The following ALDH4A1 variants were observed in gnomAD, a reference collection of about 807,000 sequenced individuals.
ALDH4A1 encodes the protein aldehyde dehydrogenase 4 family member A1.
A neutral mutation model predicts 70.5 loss-of-function variants in ALDH4A1; 46 were observed. The observed-to-expected ratio is 0.65, with a 90% CI of 0.51 to 0.83. The LOEUF (loss-of-function observed/expected upper bound fraction) is 0.83. ALDH4A1 is among the 40% of genes least tolerant of loss of function. ALDH4A1 has a pLI of 0.00. For missense variants in ALDH4A1, 749 were observed against 766.5 expected (o/e 0.98, Z 0.27); for synonymous variants, 323 against 324.3 (o/e 1.00, Z 0.04).
chr1:18,885,453 C>CCCG lies in ALDH4A1; in HGVS notation c.453+19_453+20insCGG. On this transcript the variant is annotated intron_variant, in intron 5 of 14. Coordinates refer to ENST00000375341, the MANE Select transcript of ALDH4A1 (RefSeq NM_003748.4). The stretch of plus-strand genomic sequence containing the variant: ...CCCACCCCACCCCGCCCCACCCACC[C>CCCG]GGGCCCACCAGCACCTCACCTGTCC... 2.1e-6 allele frequency: 3 copies of CCCG among 1,451,148 alleles called. No individual in the cohort carries two copies. The highest frequency in any genetic ancestry group is 1.9e-6 in the Non-Finnish European group (2 of 1,078,738). 89.9% of individuals were successfully genotyped at this position (1,451,148 alleles called of 1,614,324 possible). A position where few individuals can be genotyped will look rare whatever the true frequency, so the allele number is the denominator to read the frequency against.
chr1:18,876,255 G>A, intron 12 of ALDH4A1, 60 bp downstream of exon 12: 1 of 1,585,196 alleles, frequency 6.3e-7, no homozygotes, highest in Admixed American at 1.7e-5. Context: ...AGAACTGTGT[G>A]TGTGCTGTGC....
intron 1 of ALDH4A1, 80 bp from the exon 2 acceptor site, chr1:18,890,185 CAG>C: frequency 1.6e-6 from 2 of 1,231,402 alleles, no homozygotes; most frequent in Non-Finnish European, 1.2e-6. Context: ...CTACCTCCGA[CAG>C]GGGGTCCTAG....
chr1:18,886,577 T>G, intron 3 of ALDH4A1, 66 bp from the exon 4 acceptor site: 1 of 1,565,910 alleles, frequency 6.4e-7, no homozygotes, highest in Non-Finnish European at 8.8e-7. Flanking sequence ...TGAAGAGGAC[T>G]GGACTCAGAG....
chr1:18,901,660 T>G (rs1569812305), intron 1 of ALDH4A1, among the ~76,000 whole-genome samples: 1 of 152,170 alleles, frequency 6.6e-6, no homozygotes, highest in East Asian at 1.9e-4. Flanking sequence ...CTCCTGGGTT[T>G]CTTCATTATT....
chr1:18,883,362 C>T lies in ALDH4A1; in HGVS notation c.520G>A (p.Ala174Thr), dbSNP rs759713950. ...AELIDFFRFN[A>T]KYAVELEGQQ... ...CCCTCCAGCTCCACCGCATACTTGG[C>T]ATTGAACCGGAAGAAGTCGATGAGT... Residue 174 changes from alanine to threonine, a missense_variant, in exon 6 of 15, where the codon GCC (alanine) becomes ACC (threonine). By Grantham distance (58) the Ala-to-Thr change is moderately conservative. Coordinates refer to ENST00000375341, the MANE Select transcript of ALDH4A1 (RefSeq NM_003748.4). The T allele has an allele frequency of 6.2e-7, 1 of 1,613,538 alleles. No individual in the cohort carries two copies. Among genetic ancestry groups the T allele is most frequent in the Non-Finnish European group, 8.5e-7 (1 of 1,180,050 alleles).
chr1:18,873,862 C>T (rs28656793), intron 14 of ALDH4A1, among the ~76,000 whole-genome samples: 59,756 of 152,104 alleles, frequency 0.39, 12,706 homozygotes, highest in East Asian at 0.67. Context: ...GCTTCTAATG[C>T]GTCGCAAAGT....
At chr1:18,891,131 G>A (rs1375623803) in intron 1 of ALDH4A1, among the ~76,000 whole-genome samples, 4 of 152,212 alleles carry the variant, frequency 2.6e-5, no homozygotes, top group African/African-American at 7.2e-5. Context: ...AGGACGCTGG[G>A]GTCAGTCATT....
Position 18,877,189 on chromosome 1 carries a change from C to T in ALDH4A1, c.1185+19G>A. 6.2e-7 allele frequency: 1 copy of T among 1,605,940 alleles called. No individual in the cohort carries two copies. Among genetic ancestry groups the T allele is most frequent in the Non-Finnish European group, 8.5e-7 (1 of 1,175,972 alleles). On this transcript the variant is annotated intron_variant, in intron 11 of 14. Coordinates refer to ENST00000375341, the MANE Select transcript of ALDH4A1 (RefSeq NM_003748.4). ...CAGGGCTTGCCCCCACCCAGGAACGCCCACTTCCCACCCCGTACCTTGGCA... is the reference window on the plus strand; with the variant it reads ...CAGGGCTTGCCCCCACCCAGGAACGTCCACTTCCCACCCCGTACCTTGGCA...
intron 2 of ALDH4A1, among the ~76,000 whole-genome samples, chr1:18,889,707 A>C (rs1005266834): frequency 6.6e-6 from 1 of 152,240 alleles, no homozygotes; most frequent in African/African-American, 2.4e-5. Flanking sequence ...CCTGAAACTT[A>C]TATGAAATCT....
intron 11 of ALDH4A1, 73 bp from the exon 12 acceptor site, chr1:18,876,540 C>T (rs913274877): frequency 2.5e-5 from 36 of 1,468,574 alleles, no homozygotes; most frequent in Non-Finnish European, 3.2e-5. Context: ...ACAACACACT[C>T]ACCCCGAAAC....
chr1:18,902,408 G>T, intron 1 of ALDH4A1, 54 bp downstream of exon 1: 1 of 1,287,200 alleles, frequency 7.8e-7, no homozygotes, highest in Non-Finnish European at 9.9e-7. Flanking sequence ...TGACTCTCAG[G>T]CTCCCGGGCC....
intron 3 of ALDH4A1, 125 bp from the exon 4 acceptor site, chr1:18,886,636 G>T: frequency 1.9e-6 from 2 of 1,048,810 alleles, no homozygotes; most frequent in Non-Finnish European, 2.9e-6. Flanking sequence ...CCCCTCCCCC[G>T]CTCCCATGAA....
rs2230708 is a variant in ALDH4A1 at position 18,875,462 on chromosome 1, A to T, written c.1380T>A (p.Asp460Glu). 6.2e-7 allele frequency: 1 copy of T among 1,613,858 alleles called. No individual in the cohort carries two copies. Among genetic ancestry groups the T allele is most frequent in the Non-Finnish European group, 8.5e-7 (1 of 1,179,932 alleles). The change falls in exon 13 of 15, where the codon GAT becomes GAA. Residue 460 changes from aspartate (D) to glutamate (E), a missense_variant. Asp to Glu is a conservative substitution (Grantham distance 45). Coordinates refer to ENST00000375341, the MANE Select transcript of ALDH4A1 (RefSeq NM_003748.4). Reference protein sequence around the residue: ...GPVLSVYVYPDDKYKETLQLV... With the variant: ...GPVLSVYVYPEDKYKETLQLV... ...GCTGCAGCGTCTCCTTGTACTTGTC[A>T]TCCGGGTAGACGTACACAGACAGTA...
chr1:18,874,649 A>G, intron 13 of ALDH4A1, 68 bp from the exon 14 acceptor site: 1 of 1,482,344 alleles, frequency 6.7e-7, no homozygotes, highest in Non-Finnish European at 9.4e-7. Context: ...TCCAGCCTCA[A>G]CACCCCTGCT....
Position 18,872,905 on chromosome 1 carries a change from C to A in ALDH4A1, c.1632G>T (p.Pro544=), listed in dbSNP as rs759926379. 1 of 1,614,052 alleles carries A rather than the reference C, an allele frequency of 6.2e-7. No individual in the cohort carries two copies. The highest frequency in any genetic ancestry group is 1.7e-5 in the Admixed American group (1 of 60,026). ...GCTTATGTGTCTCCTTGATGACCTG[C>A]GGCGACGTCCAGCGCAGGATGTAGT... ...GPHYILRWTS[P]QVIKETHKPL... The change falls in exon 15 of 15, where the codon CCG becomes CCT. Residue 544 remains proline, a synonymous_variant. Transcript: ENST00000375341.
Position 18,876,431 on chromosome 1 carries a change from G to T in ALDH4A1, c.1222C>A (p.Arg408Ser). The change falls in exon 12 of 15, where the codon CGC becomes AGC. Residue 408 changes from arginine to serine, a missense_variant. Physicochemically the swap from Arg to Ser is moderately radical, Grantham distance 110. Transcript: ENST00000375341. ...ARIKKWLEHARSSPSLTILAG... is the reference protein window; with the variant it reads ...ARIKKWLEHASSSPSLTILAG... ...AGGATGGTGAGGCTGGGTGAGGAGC[G>T]TGCGTGCTCCAGCCACTTCTTGATA... 2 of 1,608,156 alleles carry T rather than the reference G, an allele frequency of 1.2e-6. No homozygotes were observed. Among genetic ancestry groups the T allele is most frequent in the South Asian group, 1.1e-5 (1 of 90,630 alleles).
chr1:18,876,186 A>AT, intron 12 of ALDH4A1, 129 bp downstream of exon 12: 1 of 1,276,886 alleles, frequency 7.8e-7, no homozygotes, highest in South Asian at 1.3e-5. Flanking sequence ...GGTCGGAGGC[A>AT]TTCCCTTTTA....
At chr1:18,895,455 C>T (rs1477059018) in intron 1 of ALDH4A1, among the ~76,000 whole-genome samples, 2 of 152,086 alleles carry the variant, frequency 1.3e-5, no homozygotes, top group Non-Finnish European at 2.9e-5. Flanking sequence ...CCTCCTGCAG[C>T]GGGACATGTC....
intron 8 of ALDH4A1, 77 bp downstream of exon 8, chr1:18,881,623 C>G: frequency 6.6e-7 from 1 of 1,519,640 alleles, no homozygotes; most frequent in Non-Finnish European, 9.0e-7. Flanking sequence ...GTTCACAGCC[C>G]CATCCCCAGG....
Sources: gnomAD v4.1 joint callset for allele counts (sites outside exome capture counted in the v4.1 genomes callset) on GRCh38, gnomAD v4.1.1 for gene constraint, MANE v1.5 for transcripts, NCBI Gene and HGNC (gene_info 2026-07-23, HGNC 2026-07-21) for gene names.